The following MAMLD1 variants were observed in gnomAD, a reference collection of about 807,000 sequenced individuals.
MAMLD1 encodes the protein mastermind-like domain-containing protein 1.
A neutral mutation model predicts 45.0 loss-of-function variants in MAMLD1; 14 were observed. That is an observed-to-expected ratio of 0.31 (90% CI 0.21 to 0.49). The LOEUF is 0.49. Among genes scored for constraint, MAMLD1 ranks in the 20% least tolerant of loss-of-function variants. MAMLD1 has a pLI of 0.99. For synonymous variants in MAMLD1, 254 were observed against 247.8 expected (o/e 1.02, Z -0.24); for missense variants, 543 against 603.6 (o/e 0.90, Z 1.05).
chrX:150,414,395 G>T (rs2124539399), intron 1 of MAMLD1, among the ~76,000 whole-genome samples: 1 of 111,713 alleles, frequency 9.0e-6, no homozygotes, highest in Non-Finnish European at 1.9e-5. Flanking sequence ...TTCATTTACA[G>T]CCCAGTTATG....
Position 150,473,582 on chromosome X carries a change from G to A in MAMLD1, c.1918-98G>A, listed in dbSNP as rs1304307270. ...CTCCCATGGGGGTGGCCGGGGGAGC[G>A]GTGTGGAGATAGGCAAAGCACATAG... On this transcript the variant is annotated intron_variant, in intron 4 of 7. Transcript: ENST00000370401. 6.0e-6 allele frequency: 5 copies of A among 829,012 alleles called. 1 individual carries two copies. Among genetic ancestry groups the A allele is most frequent in the African/African-American group, 2.0e-5 (1 of 49,899 alleles). 68.3% of individuals were successfully genotyped at this position (829,012 alleles called of 1,213,427 possible).
chrX:150,369,915 C>T (rs1375335370), intron 1 of MAMLD1, among the ~76,000 whole-genome samples: 1 of 108,910 alleles, frequency 9.2e-6, no homozygotes, highest in East Asian at 2.9e-4. Flanking sequence ...TGCTGTCCTA[C>T]TTGATGTTAA....
intron 2 of MAMLD1, among the ~76,000 whole-genome samples, chrX:150,446,235 A>G (rs936756640): frequency 6.2e-5 from 7 of 112,185 alleles, no homozygotes; most frequent in African/African-American, 1.9e-4. Flanking sequence ...AACACCACCA[A>G]TCTACCAAGA....
chrX:150,405,373 A>C (rs1948062077), intron 1 of MAMLD1, among the ~76,000 whole-genome samples: 1 of 111,342 alleles, frequency 9.0e-6, no homozygotes, highest in Non-Finnish European at 1.9e-5. Flanking sequence ...AAAGGAGTCA[A>C]ACTAGGTCCT....
rs781825975 is a variant in MAMLD1, at chrX:150,503,500, C to T, written c.2267C>T (p.Pro756Leu). ...AGGCAGGTGCCCGCTCCACTACTGC[C>T]TAGCTGCGACGCCACAGGTAAGTCA... ...AWRQVPAPLL[P>L]SCDATARGTE... The change falls in exon 6 of 8, where the codon CCT becomes CTT. Residue 756 changes from proline to leucine, a missense_variant. Coordinates refer to ENST00000370401, the MANE Select transcript of MAMLD1 (RefSeq NM_005491.5). The T allele has an allele frequency of 8.8e-7, 1 of 1,134,769 alleles. No individual in the cohort carries two copies. The highest frequency in any genetic ancestry group is 1.2e-6 in the Non-Finnish European group (1 of 829,614). The allele number at this position is 1,134,769 out of a possible 1,213,427, so 93.5% of individuals were successfully genotyped here. A position where few individuals can be genotyped will look rare whatever the true frequency, so the allele number is the denominator to read the frequency against.
At chrX:150,476,951 C>A (rs2036597634) in intron 5 of MAMLD1, among the ~76,000 whole-genome samples, 1 of 112,920 alleles carries the variant, frequency 8.9e-6, no homozygotes, top group Non-Finnish European at 1.9e-5. Flanking sequence ...CCCACTATCC[C>A]CACCTGTGGC....
At chrX:150,469,302 G>A (rs782526413) in intron 3 of MAMLD1, among the ~76,000 whole-genome samples, 1 of 112,483 alleles carries the variant, frequency 8.9e-6, no homozygotes, top group Admixed American at 9.4e-5. Flanking sequence ...TCCAATGCCT[G>A]CCTTTGGCAG....
At chrX:150,485,329 G>A (rs892677607) in intron 5 of MAMLD1, among the ~76,000 whole-genome samples, 23 of 111,089 alleles carry the variant, frequency 2.1e-4, no homozygotes, top group Admixed American at 1.9e-3. Context: ...ATTAGACTAG[G>A]AATTGAGAAA....
chrX:150,417,257 G>A (rs1557402500), intron 1 of MAMLD1, among the ~76,000 whole-genome samples: 1,411 of 107,147 alleles, frequency 0.013, 33 homozygotes, highest in African/African-American at 0.046. Flanking sequence ...AGAATATGCA[G>A]TGTTTGGTTT....
intron 1 of MAMLD1, among the ~76,000 whole-genome samples, chrX:150,400,641 T>C (rs782380640): frequency 1.8e-5 from 2 of 111,703 alleles, no homozygotes; most frequent in Non-Finnish European, 3.8e-5. Flanking sequence ...CATCAATACC[T>C]AATTTATTGA....
intron 5 of MAMLD1, among the ~76,000 whole-genome samples, chrX:150,479,451 TTTTTG>T (rs1394612875): frequency 3.6e-5 from 4 of 112,453 alleles, no homozygotes; most frequent in Non-Finnish European, 7.5e-5. Flanking sequence ...CCTGTCAAGT[TTTTTG>T]TTTTGTTTTT....
chrX:150,384,979 C>T (rs2032855302), intron 1 of MAMLD1, among the ~76,000 whole-genome samples: 1 of 110,645 alleles, frequency 9.0e-6, no homozygotes, highest in Non-Finnish European at 1.9e-5. Context: ...TTCAAGGGAA[C>T]AATGCAGTAC....
chrX:150,363,078 T>C (rs782111713), upstream of MAMLD1, among the ~76,000 whole-genome samples: 4 of 112,337 alleles, frequency 3.6e-5, no homozygotes, highest in South Asian at 1.5e-3. Flanking sequence ...CATCCCGGAG[T>C]GGAAACCCTG....
At chrX:150,411,159 G>A (rs2034115242) in intron 1 of MAMLD1, among the ~76,000 whole-genome samples, 1 of 111,687 alleles carries the variant, frequency 9.0e-6, no homozygotes, top group Non-Finnish European at 1.9e-5. Flanking sequence ...ATACCAGCCA[G>A]GCCAGGGTCC....
chrX:150,395,480 T>C (rs781998815), intron 1 of MAMLD1, among the ~76,000 whole-genome samples: 1 of 111,916 alleles, frequency 8.9e-6, no homozygotes, highest in Non-Finnish European at 1.9e-5. Context: ...TCTGCTTCTA[T>C]TCTCTGCAAG....
At chrX:150,396,145 G>A (rs1425967824) in intron 1 of MAMLD1, among the ~76,000 whole-genome samples, 2 of 88,034 alleles carry the variant, frequency 2.3e-5, no homozygotes, top group Non-Finnish European at 4.5e-5. Flanking sequence ...ACCATACCTG[G>A]CTAATTTTTT....
chrX:150,401,869 T>C (rs1257189187), intron 1 of MAMLD1, among the ~76,000 whole-genome samples: 1 of 110,070 alleles, frequency 9.1e-6, no homozygotes, highest in African/African-American at 3.3e-5. Flanking sequence ...GCTAGCCATA[T>C]GTAGAAAGCT....
chrX:150,469,701 TCTC>T (rs2036351608), intron 3 of MAMLD1, 41 bp from the exon 4 acceptor site: 1 of 1,002,203 alleles, frequency 1.0e-6, no homozygotes, highest in Non-Finnish European at 1.4e-6. Flanking sequence ...TCTCTTCCCT[TCTC>T]CTCTCCTCTC....
chrX:150,498,223 AG>A (rs2037446977), intron 5 of MAMLD1, among the ~76,000 whole-genome samples: 1 of 111,546 alleles, frequency 9.0e-6, no homozygotes, highest in African/African-American at 3.3e-5. Context: ...GACCATTGAA[AG>A]GGGCTCGATA....
Sources: allele counts gnomAD v4.1 joint callset (sites outside exome capture counted in the v4.1 genomes callset), GRCh38; gene constraint gnomAD v4.1.1; transcripts MANE v1.5; gene names NCBI Gene and HGNC (gene_info 2026-07-23, HGNC 2026-07-21).